The following PPARGC1A variants were observed in gnomAD, a reference collection of about 807,000 sequenced individuals.
The protein encoded by PPARGC1A is peroxisome proliferator-activated receptor gamma coactivator 1-alpha.
In PPARGC1A, 25 loss-of-function variants were observed where a neutral mutation model predicts 88.7. The observed-to-expected ratio is 0.28, with a 90% CI of 0.21 to 0.39. PPARGC1A has a LOEUF of 0.39. PPARGC1A is among the 10% of genes least tolerant of loss of function. The pLI, the probability that PPARGC1A is intolerant of heterozygous loss-of-function variation, is 1.00. For synonymous variants in PPARGC1A, 363 were observed against 355.6 expected (o/e 1.02, Z -0.24); for missense variants, 880 against 968.7 (o/e 0.91, Z 1.22).
At chr4:24,192,239 C>A in the PPARGC1A span, among the ~76,000 whole-genome samples, 3 of 152,162 alleles carry the variant, frequency 2.0e-5, no homozygotes, top group Non-Finnish European at 2.9e-5. Flanking sequence ...GACCTTGGAC[C>A]AGTCTTTGGG....
chr4:24,241,292 T>C, the PPARGC1A span, among the ~76,000 whole-genome samples: 1 of 152,098 alleles, frequency 6.6e-6, no homozygotes, highest in African/African-American at 2.4e-5. Flanking sequence ...AAAAAGGCTA[T>C]TTAGGAAAGA....
the PPARGC1A span, among the ~76,000 whole-genome samples, chr4:24,179,977 C>T: frequency 5.9e-5 from 9 of 152,254 alleles, no homozygotes; most frequent in East Asian, 5.8e-4. Context: ...ATCCTACCCA[C>T]CATGCTACCA....
chr4:24,240,432 C>G, the PPARGC1A span, among the ~76,000 whole-genome samples: 1 of 152,182 alleles, frequency 6.6e-6, no homozygotes, highest in African/African-American at 2.4e-5. Context: ...ATGGGACTCC[C>G]TGCTTCTACA....
chr4:24,472,515 G>T, the PPARGC1A span, among the ~76,000 whole-genome samples: 1 of 152,016 alleles, frequency 6.6e-6, no homozygotes, highest in Admixed American at 6.5e-5. The surrounding 1 kb of genome is among the most constrained non-coding windows in gnomAD (Gnocchi z 4.5). Context: ...ATACACAAAA[G>T]CAACCCAAAA....
At chr4:23,995,189 C>T in the PPARGC1A span, among the ~76,000 whole-genome samples, 1 of 152,010 alleles carries the variant, frequency 6.6e-6, no homozygotes, top group African/African-American at 2.4e-5. Flanking sequence ...TTTGGTGGGT[C>T]CTGTTAATAT....
the PPARGC1A span, among the ~76,000 whole-genome samples, chr4:24,243,626 T>C: frequency 1.3e-5 from 2 of 152,202 alleles, no homozygotes; most frequent in African/African-American, 4.8e-5. Flanking sequence ...GTTTTCTTAA[T>C]TGCTGGCAGG....
the PPARGC1A span, among the ~76,000 whole-genome samples, chr4:24,209,179 G>C: frequency 6.6e-6 from 1 of 152,162 alleles, no homozygotes; most frequent in Non-Finnish European, 1.5e-5. Context: ...CCTCCGTTCT[G>C]GTTGGCCAAC....
At chr4:24,168,616 C>T in the PPARGC1A span, among the ~76,000 whole-genome samples, 1 of 149,774 alleles carries the variant, frequency 6.7e-6, no homozygotes, top group East Asian at 1.9e-4. Flanking sequence ...AGAGCTCACA[C>T]ACACACACAC....
chr4:24,147,689 C>T, the PPARGC1A span, among the ~76,000 whole-genome samples: 3 of 152,104 alleles, frequency 2.0e-5, no homozygotes, highest in African/African-American at 7.2e-5. Context: ...CTCTGTGAGT[C>T]CTAAGCAATA....
At chr4:24,033,927 G>C in the PPARGC1A span, among the ~76,000 whole-genome samples, 1 of 152,168 alleles carries the variant, frequency 6.6e-6, no homozygotes, top group Non-Finnish European at 1.5e-5. Context: ...CTCAAAAATA[G>C]CATTCATATT....
the PPARGC1A span, among the ~76,000 whole-genome samples, chr4:24,349,289 TG>T: frequency 6.6e-6 from 1 of 152,116 alleles, no homozygotes; most frequent in Non-Finnish European, 1.5e-5. Context: ...TGCCAGGAGG[TG>T]GCGCTTTCCA....
the PPARGC1A span, among the ~76,000 whole-genome samples, chr4:24,446,361 C>T: frequency 6.6e-6 from 1 of 152,128 alleles, no homozygotes; most frequent in Non-Finnish European, 1.5e-5. Flanking sequence ...TACCTGTTGG[C>T]CATTTGTGTG....
the PPARGC1A span, among the ~76,000 whole-genome samples, chr4:24,467,366 A>C: frequency 2.0e-5 from 3 of 152,230 alleles, no homozygotes; most frequent in South Asian, 2.1e-4. Flanking sequence ...TTTGCAGTTC[A>C]TACTACATCT....
chr4:24,254,283 T>C, the PPARGC1A span, among the ~76,000 whole-genome samples: 3 of 152,174 alleles, frequency 2.0e-5, no homozygotes, highest in African/African-American at 7.2e-5. Flanking sequence ...TAAGAAAATA[T>C]GTGAGATATT....
At chr4:23,892,990 C>G (rs1293637710), upstream of PPARGC1A, among the ~76,000 whole-genome samples, 1 of 152,152 alleles carries the variant, frequency 6.6e-6, no homozygotes, top group Admixed American at 6.5e-5. Flanking sequence ...ACACCCAAAT[C>G]AAACCCATTT....
chr4:23,921,147 C>T, the PPARGC1A span, among the ~76,000 whole-genome samples: 3 of 152,166 alleles, frequency 2.0e-5, no homozygotes, highest in East Asian at 3.9e-4. Flanking sequence ...ACACTCACCC[C>T]GTTCTTCTGA....
At chr4:24,090,488 G>T in the PPARGC1A span, among the ~76,000 whole-genome samples, 1 of 152,038 alleles carries the variant, frequency 6.6e-6, no homozygotes, top group Non-Finnish European at 1.5e-5. Context: ...TTTTATAAAA[G>T]AATTTTTTTA....
the PPARGC1A span, among the ~76,000 whole-genome samples, chr4:24,289,423 G>T: frequency 6.6e-6 from 1 of 152,036 alleles, no homozygotes; most frequent in African/African-American, 2.4e-5. Flanking sequence ...CATCAATCCT[G>T]CCTCCTCCAA....
At chr4:23,823,274 G>C (rs1162859066) in intron 7 of PPARGC1A, among the ~76,000 whole-genome samples, 2 of 151,836 alleles carry the variant, frequency 1.3e-5, no homozygotes, top group Non-Finnish European at 2.9e-5. Context: ...CAAGGAGCAA[G>C]CAATAAAAAG....
Sources: allele counts gnomAD v4.1 joint callset (sites outside exome capture counted in the v4.1 genomes callset), GRCh38; gene constraint gnomAD v4.1.1; non-coding constraint Gnocchi (gnomAD v3.1); transcripts MANE v1.5; gene names NCBI Gene and HGNC (gene_info 2026-07-23, HGNC 2026-07-21).